Variants in PLGRKT observed in about 807,000 individuals in gnomAD.
PLGRKT encodes plasminogen receptor with a C-terminal lysine.
In PLGRKT, 22 loss-of-function variants were observed where a neutral mutation model predicts 18.5. The observed-to-expected ratio is 1.19, with a 90% CI of 0.85 to 1.70. The LOEUF (loss-of-function observed/expected upper bound fraction) is 1.70. Among genes scored for constraint, PLGRKT ranks in the 40% most tolerant of loss-of-function variants. The pLI is 0.00. For synonymous variants in PLGRKT, 72 were observed against 52.8 expected, an observed-to-expected ratio of 1.36 and a Z score of -1.58; for missense variants, 235 against 174.4, an observed-to-expected ratio of 1.35 and a Z score of -1.96.
intron 2 of PLGRKT, among the ~76,000 whole-genome samples, chr9:5,435,906 G>T (rs1818950801): frequency 6.6e-6 from 1 of 152,228 alleles, no homozygotes; most frequent in Non-Finnish European, 1.5e-5. Flanking sequence ...GGAGCTGCAA[G>T]CAAGACTTCA....
intron 3 of PLGRKT, among the ~76,000 whole-genome samples, chr9:5,386,397 G>A (rs1817843814): frequency 1.3e-5 from 2 of 151,756 alleles, no homozygotes; most frequent in South Asian, 2.1e-4. Context: ...GCAGTGTCTG[G>A]GGACACTTAT....
chr9:5,367,123 G>A (rs912923120), intron 3 of PLGRKT, among the ~76,000 whole-genome samples: 6 of 150,502 alleles, frequency 4.0e-5, no homozygotes, highest in East Asian at 1.9e-4. Context: ...AACATTCCAC[G>A]CTCATGAATT....
At chr9:5,386,459 A>G (rs1817845096) in intron 3 of PLGRKT, among the ~76,000 whole-genome samples, 2 of 151,842 alleles carry the variant, frequency 1.3e-5, no homozygotes, top group Admixed American at 6.6e-5. Context: ...GAGGTCAAGG[A>G]TGCTGCTGAA....
chr9:5,417,470 G>C (rs1218939578), intron 3 of PLGRKT, among the ~76,000 whole-genome samples: 1 of 151,902 alleles, frequency 6.6e-6, no homozygotes, highest in African/African-American at 2.4e-5. Context: ...AGTTGGATTT[G>C]GCAATGGTTT....
chr9:5,373,923 G>C (rs1586706944), intron 3 of PLGRKT, among the ~76,000 whole-genome samples: 1 of 152,206 alleles, frequency 6.6e-6, no homozygotes, highest in Non-Finnish European at 1.5e-5. Context: ...CCTAAGAACA[G>C]CCAGGCATTG....
chr9:5,410,871 A>G (rs189091898), intron 3 of PLGRKT, among the ~76,000 whole-genome samples: 2 of 152,318 alleles, frequency 1.3e-5, no homozygotes, highest in Admixed American at 1.3e-4. Context: ...ACAGCCTTTT[A>G]CCTTGAGACC....
intron 3 of PLGRKT, chr9:5,392,718 G>A (rs1376596090): frequency 6.6e-6 from 1 of 151,804 alleles, no homozygotes; most frequent in East Asian, 1.9e-4. Flanking sequence ...TACATAAAAT[G>A]TTCAGACTAG....
At chr9:5,438,237 C>G (rs1164004031), upstream of PLGRKT, among the ~76,000 whole-genome samples, 1 of 152,214 alleles carries the variant, frequency 6.6e-6, no homozygotes, top group Non-Finnish European at 1.5e-5. Context: ...ACAGAGCCGT[C>G]TTTCTCCCCT....
chr9:5,415,146 T>G (rs1818435083), intron 3 of PLGRKT, among the ~76,000 whole-genome samples: 1 of 152,130 alleles, frequency 6.6e-6, no homozygotes, highest in Non-Finnish European at 1.5e-5. Context: ...TGGCATATAT[T>G]GTGATCACAG....
intron 2 of PLGRKT, among the ~76,000 whole-genome samples, chr9:5,432,668 T>C (rs1586749135): frequency 2.0e-5 from 3 of 152,180 alleles, no homozygotes; most frequent in Admixed American, 6.5e-5. Flanking sequence ...TGACTGGTTT[T>C]TGTATTTTTG....
At chr9:5,413,364 C>T (rs565109154) in intron 3 of PLGRKT, among the ~76,000 whole-genome samples, 25 of 152,264 alleles carry the variant, frequency 1.6e-4, no homozygotes, top group African/African-American at 6.0e-4. Flanking sequence ...ATCCTCAGAA[C>T]CTGTGAATGT....
chr9:5,429,299 T>C (rs1291124139), intron 3 of PLGRKT, among the ~76,000 whole-genome samples: 1 of 152,164 alleles, frequency 6.6e-6, no homozygotes, highest in African/African-American at 2.4e-5. Flanking sequence ...AGAAAATCAC[T>C]ATGAAGCTCC....
At chr9:5,417,789 T>C (rs1368480314) in intron 3 of PLGRKT, among the ~76,000 whole-genome samples, 1 of 152,096 alleles carries the variant, frequency 6.6e-6, no homozygotes, top group Non-Finnish European at 1.5e-5. Flanking sequence ...TGGAGACAGT[T>C]GTTAAAATAT....
chr9:5,379,864 A>C (rs1353093538), intron 3 of PLGRKT, among the ~76,000 whole-genome samples: 1 of 152,166 alleles, frequency 6.6e-6, no homozygotes, highest in African/African-American at 2.4e-5. Context: ...GTGATAGAAA[A>C]TCTTCATGCT....
At chr9:5,391,093 T>C (rs1817941499) in intron 3 of PLGRKT, among the ~76,000 whole-genome samples, 1 of 151,922 alleles carries the variant, frequency 6.6e-6, no homozygotes. Context: ...CTTTGCGGAA[T>C]TGATGTTGGT....
chr9:5,389,016 C>A (rs762466975), intron 3 of PLGRKT, among the ~76,000 whole-genome samples: 2 of 151,894 alleles, frequency 1.3e-5, no homozygotes, highest in Non-Finnish European at 2.9e-5. Flanking sequence ...ATGAAGAAGA[C>A]ATGTACCATG....
chr9:5,368,910 A>G (rs1817454977), intron 3 of PLGRKT, among the ~76,000 whole-genome samples: 1 of 152,228 alleles, frequency 6.6e-6, no homozygotes, highest in South Asian at 2.1e-4. Flanking sequence ...CCATATGCAG[A>G]AAACTGAAAC....
chr9:5,435,983 C>G (rs1353017528), intron 2 of PLGRKT, among the ~76,000 whole-genome samples: 2 of 152,194 alleles, frequency 1.3e-5, no homozygotes, highest in Non-Finnish European at 2.9e-5. Context: ...GAGTCAGCTT[C>G]AAAGCTGAGC....
rs1229970037 is a variant in PLGRKT, at chr9:5,358,359, A to C, written c.324T>G (p.Gly108=). ...CTGTTTCCAGTATGTCCTCAGCTTC[A>C]CCTTAAATAAAGTACAGAAATACAC... The part of the protein sequence containing the change: ...GYGTLLERMK[G]EAEDILETEK... Residue 108 remains glycine (G), a splice_region_variant and synonymous_variant, in exon 6 of 6, where the codon GGT becomes GGG. Coordinates refer to ENST00000223864, the MANE Select transcript of PLGRKT (RefSeq NM_018465.4). 6.2e-7 allele frequency: 1 copy of C among 1,612,546 alleles called. No individual in the cohort carries two copies. Among genetic ancestry groups the C allele is most frequent in the African/African-American group, 1.3e-5 (1 of 74,864 alleles).
Sources: allele counts gnomAD v4.1 joint callset (sites outside exome capture counted in the v4.1 genomes callset), GRCh38; gene constraint gnomAD v4.1.1; transcripts MANE v1.5; gene names NCBI Gene and HGNC (gene_info 2026-07-23, HGNC 2026-07-21).